The following DNAH8 variants were observed in gnomAD, a reference collection of about 807,000 sequenced individuals.
DNAH8 encodes the protein axonemal beta dynein heavy chain 8.
DNAH8 carries 382 observed loss-of-function variants against 562.1 expected under a neutral mutation model. The observed-to-expected ratio is 0.68, with a 90% CI of 0.63 to 0.74. The LOEUF is 0.74. Among genes scored for constraint, DNAH8 ranks in the 30% least tolerant of loss-of-function variants. The pLI is 0.00. For missense variants in DNAH8, 5,203 were observed against 5,620.4 expected (o/e 0.93, Z 2.37); for synonymous variants, 1,881 against 1,919.4 (o/e 0.98, Z 0.52).
At chr6:38,918,282 C>T in intron 70 of DNAH8, 142 bp downstream of exon 70, 1 of 583,144 alleles carries the variant, frequency 1.7e-6, no homozygotes, top group Non-Finnish European at 2.9e-6. Flanking sequence ...TTCTCTATGT[C>T]CTCTCAAAGT....
chr6:38,868,174 G>T lies in DNAH8; in HGVS notation c.6806G>T (p.Arg2269Ile). 1.2e-6 allele frequency: 2 copies of T among 1,612,338 alleles called. No homozygotes were observed. Among genetic ancestry groups the T allele is most frequent in the Non-Finnish European group, 1.7e-6 (2 of 1,179,482 alleles). Reference protein sequence around the residue: ...SELSIVMRGLRDMNLSKLVDE... With the variant: ...SELSIVMRGLIDMNLSKLVDE... ...TTAAGCATTGTCATGAGAGGACTAA[G>T]AGATATGAACCTTTCCAAACTGGTA... is the stretch of plus-strand genomic sequence containing the variant. Residue 2269 changes from arginine to isoleucine, a missense_variant, in exon 48 of 93, where the codon AGA (arginine) becomes ATA (isoleucine). Arg to Ile is a moderately conservative substitution (Grantham distance 97). This residue lies in a region of DNAH8 where 2,176 missense variants were observed against 2,365.1 expected (regional missense o/e 0.92). Coordinates refer to ENST00000327475, the MANE Select transcript of DNAH8 (RefSeq NM_001206927.2).
intron 1 of DNAH8, among the ~76,000 whole-genome samples, chr6:38,719,811 C>A (rs1250223372): frequency 6.6e-6 from 1 of 152,168 alleles, no homozygotes; most frequent in African/African-American, 2.4e-5. Context: ...ATGGGCTAAC[C>A]ATTAAGCTGC....
chr6:38,973,598 G>A (rs1401068329), intron 83 of DNAH8, 63 bp from the exon 84 acceptor site: 6 of 1,375,728 alleles, frequency 4.4e-6, no homozygotes, highest in East Asian at 2.5e-5. Context: ...TGCACATTTT[G>A]TTTTATTAAA....
chr6:38,716,183 G>T lies in DNAH8; in HGVS notation c.-35+768G>T, dbSNP rs537038677. On this transcript the variant is annotated intron_variant, in intron 1 of 92. Coordinates refer to ENST00000327475, the MANE Select transcript of DNAH8 (RefSeq NM_001206927.2). ...TCACAGTGTTAGCCAAGATGGTCTCGATCTCCTGACCTTGTGATCCGCCCA... is the reference window on the plus strand; with the variant it reads ...TCACAGTGTTAGCCAAGATGGTCTCTATCTCCTGACCTTGTGATCCGCCCA... Among the ~76,000 whole-genome samples, 3 of 150,262 alleles carry T rather than the reference G, an allele frequency of 2.0e-5. No individual in the cohort carries two copies. The South Asian group carries it at 6.3e-4, about 32-fold the overall frequency.
intron 4 of DNAH8, among the ~76,000 whole-genome samples, chr6:38,732,865 T>C (rs1763762188): frequency 6.6e-6 from 1 of 152,068 alleles, no homozygotes. Flanking sequence ...TCTGTGGCTT[T>C]GTGATGTGGA....
rs1425708244 is a variant in DNAH8, at chr6:39,026,605, A to G, written c.13774A>G (p.Thr4592Ala). 4 of 1,613,068 alleles carry G rather than the reference A, an allele frequency of 2.5e-6. No individual in the cohort carries two copies. Among genetic ancestry groups the G allele is most frequent in the Non-Finnish European group, 2.5e-6 (3 of 1,179,492 alleles). Residue 4592 changes from threonine (T) to alanine (A), a missense_variant, in exon 92 of 93, where the codon ACT becomes GCT. Thr to Ala is a moderately conservative substitution (Grantham distance 58). Coordinates refer to ENST00000327475, the MANE Select transcript of DNAH8 (RefSeq NM_001206927.2). ...TGCCCACAAAGGCTGGGCACTGGAC[A>G]CTGTGACCATCCACAATGAAGTTCT... ...TRAHKGWALD[T>A]VTIHNEVLRQ...
chr6:38,957,747 A>T (rs1214830046), intron 82 of DNAH8, among the ~76,000 whole-genome samples: 1 of 152,068 alleles, frequency 6.6e-6, no homozygotes, highest in Non-Finnish European at 1.5e-5. Flanking sequence ...TCAAAGAAGA[A>T]ATTTAAAAGG....
At chr6:38,740,167 T>C (rs577295735) in intron 7 of DNAH8, among the ~76,000 whole-genome samples, 2 of 152,232 alleles carry the variant, frequency 1.3e-5, no homozygotes, top group Non-Finnish European at 2.9e-5. Flanking sequence ...TTCCTCAAAA[T>C]TACATTGACT....
At chr6:38,876,679 G>A (rs1778037839) in intron 53 of DNAH8, among the ~76,000 whole-genome samples, 2 of 152,148 alleles carry the variant, frequency 1.3e-5, no homozygotes, top group African/African-American at 4.8e-5. Flanking sequence ...AAACCACAGG[G>A]CTGGTTATAA....
At chr6:38,971,123 G>A (rs1763311459) in intron 82 of DNAH8, among the ~76,000 whole-genome samples, 1 of 152,152 alleles carries the variant, frequency 6.6e-6, no homozygotes, top group South Asian at 2.1e-4. Context: ...CAAGCAGACA[G>A]AAAACACTGT....
intron 56 of DNAH8, among the ~76,000 whole-genome samples, chr6:38,885,463 C>G (rs1285020432): frequency 6.6e-6 from 1 of 152,150 alleles, no homozygotes; most frequent in Non-Finnish European, 1.5e-5. Context: ...TCAGCTTGTT[C>G]TCACATCATC....
intron 13 of DNAH8, among the ~76,000 whole-genome samples, chr6:38,776,289 T>C (rs1412808125): frequency 2.0e-5 from 3 of 150,804 alleles, no homozygotes; most frequent in South Asian, 2.1e-4. Flanking sequence ...GCGATCTTGG[T>C]TCACTGCAAC....
chr6:38,855,086 T>C (rs534787415), intron 41 of DNAH8, among the ~76,000 whole-genome samples: 1 of 150,990 alleles, frequency 6.6e-6, no homozygotes, highest in Non-Finnish European at 1.5e-5. Flanking sequence ...TATACACATA[T>C]ATTAAATTTT....
At chr6:39,025,391 C>T (rs1767206518) in intron 91 of DNAH8, among the ~76,000 whole-genome samples, 1 of 152,222 alleles carries the variant, frequency 6.6e-6, no homozygotes, top group African/African-American at 2.4e-5. Flanking sequence ...ATGGCCTCTT[C>T]ATCTTTGTGG....
Position 38,756,055 on chromosome 6 carries a change from G to A in DNAH8, c.1491G>A (p.Glu497=), listed in dbSNP as rs749972728. 9 of 1,595,796 alleles carry A rather than the reference G, an allele frequency of 5.6e-6. No homozygotes were observed. In the African/African-American group the frequency reaches 1.2e-4, roughly 21 times the overall value. Residue 497 remains glutamate (E), a synonymous_variant, in exon 10 of 93, where the codon GAG becomes GAA. Coordinates refer to ENST00000327475, the MANE Select transcript of DNAH8 (RefSeq NM_001206927.2). The part of the protein sequence containing the change: ...HGVSRYYNTS[E]RMTSLFIKVT... ...TGTCAAGGTATTATAATACCTCAGAGAGAATGACCTCATTGTTTATCAAGG... is the reference window on the plus strand; with the variant it reads ...TGTCAAGGTATTATAATACCTCAGAAAGAATGACCTCATTGTTTATCAAGG...
At chr6:38,876,051 C>T (rs1053015613) in intron 53 of DNAH8, among the ~76,000 whole-genome samples, 5 of 152,282 alleles carry the variant, frequency 3.3e-5, no homozygotes, top group Admixed American at 6.5e-5. Context: ...GGAGTGGGCT[C>T]AGTAAAATCT....
At chr6:38,923,403 A>G in intron 72 of DNAH8, 1 of 447,442 alleles carries the variant, frequency 2.2e-6, no homozygotes, top group East Asian at 4.4e-5. Flanking sequence ...TCAGTATGAG[A>G]GTGCTTTTGA....
At chr6:38,894,065 G>GA (rs1415384300) in intron 58 of DNAH8, among the ~76,000 whole-genome samples, 4 of 152,070 alleles carry the variant, frequency 2.6e-5, no homozygotes, top group African/African-American at 7.2e-5. Context: ...TGCTCAAACA[G>GA]AAAAAACATC....
At chr6:38,925,339 ATTTTAT>A (rs1441458737) in intron 73 of DNAH8, among the ~76,000 whole-genome samples, 4 of 68,370 alleles carry the variant, frequency 5.9e-5, no homozygotes, top group Non-Finnish European at 9.7e-5. Context: ...ATTTTATTTT[ATTTTAT>A]TTTTTTTAGA....
Sources: gnomAD v4.1 joint callset for allele counts (sites outside exome capture counted in the v4.1 genomes callset) on GRCh38, gnomAD v4.1.1 for gene constraint, gnomAD v4.1.1 regional missense constraint, MANE v1.5 for transcripts, NCBI Gene and HGNC (gene_info 2026-07-23, HGNC 2026-07-21) for gene names.